RPS6KA2: variants seen among roughly 807,000 people sequenced by gnomAD.
The protein encoded by RPS6KA2 is ribosomal protein S6 kinase A2.
Under a neutral mutation model 91.8 loss-of-function variants are expected in RPS6KA2, and 42 were observed. The observed-to-expected ratio is 0.46, with a 90% CI of 0.36 to 0.59. RPS6KA2 has a LOEUF of 0.59. Among genes scored for constraint, RPS6KA2 ranks in the 20% least tolerant of loss-of-function variants. The pLI, the probability that RPS6KA2 is intolerant of heterozygous loss-of-function variation, is 0.00. For synonymous variants in RPS6KA2, 414 were observed against 393.6 expected, an observed-to-expected ratio of 1.05 and a Z score of -0.61; for missense variants, 798 against 978.5, an observed-to-expected ratio of 0.82 and a Z score of 2.46.
Position 166,701,351 on chromosome 6 carries a change from A to T in RPS6KA2, c.123+156849T>A, listed in dbSNP as rs1789513915. On this transcript the variant is annotated intron_variant, in intron 2 of 21. Transcript: ENST00000503859. ...GTAACTGCCAGCAGCAAAGGATGGC[A>T]CTCTGATATGAGCTTCAAGTTTCAC... The T allele has an allele frequency of 1.2e-5, 18 of 1,506,646 alleles. 1 individual carries two copies. The South Asian group carries it at 1.9e-4, about 16-fold the overall frequency. The allele number at this position is 1,506,646 out of a possible 1,614,324, so 93.3% of individuals were successfully genotyped here.
intron 19 of RPS6KA2, among the ~76,000 whole-genome samples, chr6:166,414,747 C>T (rs2128436077): frequency 6.6e-6 from 1 of 152,340 alleles, no homozygotes; most frequent in Admixed American, 6.5e-5. Flanking sequence ...AGTGTTCCCA[C>T]CACATTTGAA....
chr6:166,810,788 A>C (rs1028649287), intron 2 of RPS6KA2, among the ~76,000 whole-genome samples: 5 of 152,220 alleles, frequency 3.3e-5, no homozygotes, highest in African/African-American at 9.6e-5. Flanking sequence ...ACACATGTCA[A>C]TTTCCTGCCT....
At chr6:166,488,554 T>C (rs547124651) in intron 10 of RPS6KA2, among the ~76,000 whole-genome samples, 4 of 152,368 alleles carry the variant, frequency 2.6e-5, no homozygotes, top group South Asian at 2.1e-4. Context: ...GGAAGTCAGA[T>C]TGGTTGAAGG....
rs558724344 is a variant in RPS6KA2 at position 166,793,506 on chromosome 6, T to G, written c.123+64694A>C. On this transcript the variant is annotated intron_variant, in intron 2 of 21. Transcript: ENST00000503859. ...TTCACAGAATTGGAAAAAACTACTT[T>G]AAAGTTCATATGGAACCAAAAAAGA... Among the ~76,000 whole-genome samples, 70 of 149,084 alleles carry G rather than the reference T, an allele frequency of 4.7e-4. 1 individual carries two copies. Among genetic ancestry groups the G allele is most frequent in the Middle Eastern group, 6.8e-3 (2 of 292 alleles).
At chr6:166,791,932 A>G (rs1160704175) in intron 2 of RPS6KA2, among the ~76,000 whole-genome samples, 1 of 152,038 alleles carries the variant, frequency 6.6e-6, no homozygotes, top group African/African-American at 2.4e-5. Flanking sequence ...TAAAATTGAC[A>G]CCCTAACATC....
At chr6:166,503,622 G>C (rs1322612689) in intron 6 of RPS6KA2, among the ~76,000 whole-genome samples, 1 of 152,170 alleles carries the variant, frequency 6.6e-6, no homozygotes, top group Non-Finnish European at 1.5e-5. Context: ...GGCATTAATC[G>C]GCCCCTCAGG....
intron 2 of RPS6KA2, among the ~76,000 whole-genome samples, chr6:166,763,505 T>C (rs1437945019): frequency 6.6e-6 from 1 of 152,136 alleles, no homozygotes; most frequent in African/African-American, 2.4e-5. Context: ...TTGTTGAGGG[T>C]CAAATGAGTT....
chr6:166,628,395 G>A (rs980949512), upstream of RPS6KA2, among the ~76,000 whole-genome samples: 38 of 152,214 alleles, frequency 2.5e-4, no homozygotes, highest in African/African-American at 9.2e-4. Flanking sequence ...AAACGAGTGC[G>A]GTGGTGAGTT....
chr6:166,846,502 T>C (rs1268316574), intron 2 of RPS6KA2, among the ~76,000 whole-genome samples: 1 of 152,186 alleles, frequency 6.6e-6, no homozygotes, highest in African/African-American at 2.4e-5. Flanking sequence ...ATCAAAAAGA[T>C]AATCCACCAT....
chr6:166,429,149 A>G (rs1388571917), intron 16 of RPS6KA2, among the ~76,000 whole-genome samples: 1 of 151,988 alleles, frequency 6.6e-6, no homozygotes, highest in Non-Finnish European at 1.5e-5. Flanking sequence ...ACATGGATGA[A>G]ATTGGAGATC....
At chr6:166,447,025 C>T (rs927609171) in intron 14 of RPS6KA2, among the ~76,000 whole-genome samples, 3 of 152,310 alleles carry the variant, frequency 2.0e-5, no homozygotes, top group African/African-American at 7.2e-5. Context: ...ACAGGAACGG[C>T]ACCTGGGTAT....
At chr6:166,653,787 C>A (rs1044042400) in intron 2 of RPS6KA2, among the ~76,000 whole-genome samples, 1 of 152,164 alleles carries the variant, frequency 6.6e-6, no homozygotes, top group Non-Finnish European at 1.5e-5. Flanking sequence ...GTAGCACACA[C>A]AAGAGAAATA....
intron 3 of RPS6KA2, 140 bp downstream of exon 3, chr6:166,531,092 A>G (rs2128491735): frequency 2.9e-6 from 2 of 687,330 alleles, no homozygotes; most frequent in South Asian, 1.7e-5. Flanking sequence ...ACTGTTTATT[A>G]TCAATCAGAG....
intron 10 of RPS6KA2, among the ~76,000 whole-genome samples, chr6:166,480,418 A>G (rs139875503): frequency 1.6e-3 from 241 of 146,718 alleles, no homozygotes; most frequent in African/African-American, 5.9e-3. Context: ...AAAATCTTCA[A>G]CCCTCGCTAG....
rs115700105 is a variant in RPS6KA2 at position 166,830,804 on chromosome 6, G to T, written c.123+27396C>A. 5.0e-3 allele frequency among the ~76,000 whole-genome samples: 767 copies of T among 152,304 alleles called. 10 individuals are homozygous for T. Among genetic ancestry groups the T allele is most frequent in the African/African-American group, 0.018 (735 of 41,542 alleles). The stretch of plus-strand genomic sequence containing the variant: ...TAGCTGTCATCTCCATGGCTGTGTG[G>T]GATCCCAGAGCCACAGCCTTCCGTC... On this transcript the variant is annotated intron_variant, in intron 2 of 21. Transcript: ENST00000503859.
intron 2 of RPS6KA2, among the ~76,000 whole-genome samples, chr6:166,716,458 C>T (rs1287391382): frequency 6.6e-6 from 1 of 152,220 alleles, no homozygotes; most frequent in Non-Finnish European, 1.5e-5. Flanking sequence ...TTCTTTTTCA[C>T]ATCATCACTG....
At chr6:166,474,075 C>T (rs759847477) in intron 10 of RPS6KA2, among the ~76,000 whole-genome samples, 6 of 151,118 alleles carry the variant, frequency 4.0e-5, no homozygotes, top group South Asian at 2.1e-4. Context: ...CAGGCTTGAG[C>T]GGTGTGGGAG....
chr6:166,449,873 G>GGGGA (rs1562500901), intron 13 of RPS6KA2, among the ~76,000 whole-genome samples: 149 of 63,842 alleles, frequency 2.3e-3, no homozygotes, highest in African/African-American at 6.3e-3. Context: ...GAACCACCAC[G>GGGGA]CGGACCACCA....
Position 166,849,596 on chromosome 6 carries a change from C to T in RPS6KA2, c.123+8604G>A, listed in dbSNP as rs764550828. ...CCCCGCCCGTGGAAATCCATGAGAC[C>T]GTTCATCGTTTCAAGAAGGACATTG... On this transcript the variant is annotated intron_variant, in intron 2 of 21. Coordinates refer to the RPS6KA2 transcript ENST00000503859. This position sits in a 1 kb window ranked among gnomAD's most constrained non-coding sequence, Gnocchi z 4.9. 3.3e-5 allele frequency among the ~76,000 whole-genome samples: 5 copies of T among 152,108 alleles called. No individual in the cohort carries two copies. Among genetic ancestry groups the T allele is most frequent in the African/African-American group, 4.8e-5 (2 of 41,408 alleles).
Sources: allele counts gnomAD v4.1 joint callset (sites outside exome capture counted in the v4.1 genomes callset), GRCh38; gene constraint gnomAD v4.1.1; non-coding constraint Gnocchi (gnomAD v3.1); transcripts MANE v1.5; gene names NCBI Gene and HGNC (gene_info 2026-07-23, HGNC 2026-07-21).